The following CNTNAP3B variants were observed in gnomAD, a reference collection of about 807,000 sequenced individuals.
The protein encoded by CNTNAP3B is contactin-associated protein-like 3B.
Under a neutral mutation model 108.9 loss-of-function variants are expected in CNTNAP3B, and 25 were observed. The observed-to-expected ratio is 0.23, with a 90% CI of 0.17 to 0.32. CNTNAP3B has a LOEUF of 0.32. CNTNAP3B is among the 10% of genes least tolerant of loss of function. CNTNAP3B has a pLI of 1.00. For synonymous variants in CNTNAP3B, 103 were observed against 473.4 expected (o/e 0.22, Z 10.16); for missense variants, 252 against 1,210.4 (o/e 0.21, Z 11.75).
chr9:41,997,461 A>G (rs1396623710), intron 6 of CNTNAP3B, 107 bp downstream of exon 6: 1 of 1,381,120 alleles, frequency 7.2e-7, no homozygotes, highest in East Asian at 2.6e-5. Context: ...AGACATACCT[A>G]TTACTATTAG....
intron 3 of CNTNAP3B, among the ~76,000 whole-genome samples, chr9:42,037,142 T>G (rs1442174361): frequency 6.7e-6 from 1 of 148,158 alleles, no homozygotes; most frequent in East Asian, 2.0e-4. Context: ...AGAGCACCTC[T>G]TCTCCTTCAA....
intron 13 of CNTNAP3B, among the ~76,000 whole-genome samples, chr9:41,944,331 T>C (rs1464464000): frequency 6.8e-6 from 1 of 146,114 alleles, no homozygotes; most frequent in Non-Finnish European, 1.5e-5. Context: ...CAGCTCTAAA[T>C]AATACTAACA....
chr9:42,124,577 C>T (rs1386123754), intron 1 of CNTNAP3B, among the ~76,000 whole-genome samples: 2 of 127,846 alleles, frequency 1.6e-5, no homozygotes, highest in Admixed American at 8.0e-5. Flanking sequence ...TTTGCAAATG[C>T]TCTTACAACG....
intron 3 of CNTNAP3B, among the ~76,000 whole-genome samples, chr9:42,054,585 C>T (rs939291094): frequency 2.0e-5 from 3 of 151,688 alleles, no homozygotes; most frequent in African/African-American, 7.3e-5. Context: ...TACTCTTAGC[C>T]AGGTGCTGTC....
At position 41,917,448 on chromosome 9, in the gene CNTNAP3B, G is replaced by A. The variant is rs1217869070; in HGVS notation, c.2995+2622C>T. ...CAGTTCACTTGGGGAGGGCTACCAA[G>A]CTGTGTATTTTCATGGCCTCCCTCT... On this transcript the variant is annotated intron_variant, in intron 18 of 23. Coordinates refer to ENST00000377561, the MANE Select transcript of CNTNAP3B (RefSeq NM_001201380.3). 3.4e-3 allele frequency among the ~76,000 whole-genome samples: 446 copies of A among 132,544 alleles called. 1 individual carries two copies. Among genetic ancestry groups the A allele is most frequent in the Middle Eastern group, 7.9e-3 (2 of 254 alleles). 87.0% of individuals were successfully genotyped at this position (132,544 alleles called of 152,430 possible).
chr9:41,942,852 A>G (rs1445872352), intron 13 of CNTNAP3B, among the ~76,000 whole-genome samples: 1 of 152,118 alleles, frequency 6.6e-6, no homozygotes, highest in African/African-American at 2.4e-5. Context: ...AGTTATGCAA[A>G]GAGCAAATTC....
Position 41,950,747 on chromosome 9 carries a change from CTTTTT to C in CNTNAP3B, c.2080+2431_2080+2435del, listed in dbSNP as rs1196034038. 8.6e-3 allele frequency among the ~76,000 whole-genome samples: 795 copies of C among 92,206 alleles called. 2 individuals are homozygous for C. The highest frequency in any genetic ancestry group is 0.03 in the African/African-American group (703 of 23,132). The allele number at this position is 92,206 out of a possible 152,430, so 60.5% of individuals were successfully genotyped here. A position where few individuals can be genotyped will look rare whatever the true frequency, so the allele number is the denominator to read the frequency against. On this transcript the variant is annotated intron_variant, in intron 13 of 23. Coordinates refer to ENST00000377561, the MANE Select transcript of CNTNAP3B (RefSeq NM_001201380.3). ...GAGCAATAGAGCAATAGGAGGAATT[CTTTTT>C]TTTTTTTTTTTTTTTTTTTTTGAGA...
At chr9:41,977,832 C>T (rs1239589997) in intron 9 of CNTNAP3B, among the ~76,000 whole-genome samples, 3 of 137,552 alleles carry the variant, frequency 2.2e-5, no homozygotes, top group Non-Finnish European at 3.1e-5. Flanking sequence ...GGGGTTTCAC[C>T]GTGTTAGCCA....
chr9:41,959,087 C>A (rs1283099001), intron 12 of CNTNAP3B, among the ~76,000 whole-genome samples: 4 of 143,152 alleles, frequency 2.8e-5, no homozygotes, highest in African/African-American at 1.1e-4. Flanking sequence ...TATAAGCCTG[C>A]CTGTCTCTCC....
intron 3 of CNTNAP3B, among the ~76,000 whole-genome samples, chr9:42,055,532 T>A (rs534897690): frequency 7.1e-6 from 1 of 140,272 alleles, no homozygotes; most frequent in Non-Finnish European, 1.5e-5. Flanking sequence ...CATGCACATA[T>A]GCATATATTA....
intron 6 of CNTNAP3B, among the ~76,000 whole-genome samples, 180 bp downstream of exon 6, chr9:41,997,388 A>G (rs1376167429): frequency 6.6e-6 from 1 of 152,206 alleles, no homozygotes; most frequent in African/African-American, 2.4e-5. Flanking sequence ...CAAGGTGGAA[A>G]AGATGATCTA....
Position 42,083,073 on chromosome 9 carries a change from A to G in CNTNAP3B, c.197-6011T>C, listed in dbSNP as rs1276161382. Among the ~76,000 whole-genome samples the G allele has an allele frequency of 5.0e-5, 7 of 138,948 alleles. 2 individuals carry two copies. Among genetic ancestry groups the G allele is most frequent in the Non-Finnish European group, 9.2e-5 (6 of 64,900 alleles). The allele number at this position is 138,948 out of a possible 152,430, so 91.2% of individuals were successfully genotyped here. ...TTAAACAAAGTAGATTTCAGTGCAA[A>G]AATTATTATAAAAGGTAAAGAAAAT... On this transcript the variant is annotated intron_variant, in intron 2 of 23. Transcript: ENST00000377561.
intron 10 of CNTNAP3B, among the ~76,000 whole-genome samples, chr9:41,965,284 A>G (rs1170835414): frequency 6.6e-6 from 1 of 152,222 alleles, no homozygotes; most frequent in East Asian, 1.9e-4. Context: ...ATTCACAGGG[A>G]ACCTCAAGGG....
At chr9:41,958,387 C>A (rs1204385325) in intron 12 of CNTNAP3B, among the ~76,000 whole-genome samples, 1 of 152,288 alleles carries the variant, frequency 6.6e-6, no homozygotes, top group Non-Finnish European at 1.5e-5. Flanking sequence ...CTAAGGCTAT[C>A]TTCCCTCCTC....
chr9:41,916,188 T>G (rs1225315478), intron 18 of CNTNAP3B, among the ~76,000 whole-genome samples: 2 of 147,800 alleles, frequency 1.4e-5, no homozygotes, highest in African/African-American at 5.1e-5. Context: ...ATGTTACCAT[T>G]TGGTGTTATT....
At chr9:42,044,995 C>A in intron 3 of CNTNAP3B, among the ~76,000 whole-genome samples, 1 of 110,294 alleles carries the variant, frequency 9.1e-6, no homozygotes. Flanking sequence ...GTTGCGCTTG[C>A]TAGGAGTCAG....
chr9:41,924,280 G>A (rs1412158891), intron 15 of CNTNAP3B, among the ~76,000 whole-genome samples, 187 bp from the exon 16 acceptor site: 11 of 152,310 alleles, frequency 7.2e-5, no homozygotes, highest in South Asian at 2.1e-4. Context: ...ATTACGCTGA[G>A]GATTGGAATT....
chr9:41,924,275 G>C (rs1276168402), intron 15 of CNTNAP3B, among the ~76,000 whole-genome samples, 182 bp from the exon 16 acceptor site: 1 of 152,266 alleles, frequency 6.6e-6, no homozygotes, highest in African/African-American at 2.4e-5. Context: ...TGGTGATTAC[G>C]CTGAGGATTG....
At chr9:41,955,097 T>G (rs1264363554) in intron 12 of CNTNAP3B, among the ~76,000 whole-genome samples, 1 of 150,454 alleles carries the variant, frequency 6.6e-6, no homozygotes, top group Non-Finnish European at 1.5e-5. Flanking sequence ...GAACACTAAG[T>G]TGGGCATTGA....
Sources: allele counts gnomAD v4.1 joint callset (sites outside exome capture counted in the v4.1 genomes callset), GRCh38; gene constraint gnomAD v4.1.1; transcripts MANE v1.5; gene names NCBI Gene and HGNC (gene_info 2026-07-23, HGNC 2026-07-21).